SLC25A3: variants seen among roughly 807,000 people sequenced by gnomAD.
SLC25A3 encodes the protein solute carrier family 25 member 3, also known as phosphate transport protein.
In SLC25A3, 14 loss-of-function variants were observed where a neutral mutation model predicts 37.1. That is an observed-to-expected ratio of 0.38 (90% CI 0.25 to 0.59). SLC25A3 has a LOEUF of 0.59. Among genes scored for constraint, SLC25A3 ranks in the 20% least tolerant of loss-of-function variants. The pLI is 0.67. For synonymous variants in SLC25A3, 161 were observed against 168.7 expected, an observed-to-expected ratio of 0.95 and a Z score of 0.36; for missense variants, 385 against 458.1, an observed-to-expected ratio of 0.84 and a Z score of 1.46.
At chr12:98,595,594 ATGAC>A in intron 2 of SLC25A3, 129 bp from the exon 3 acceptor site, 1 of 1,613,660 alleles carries the variant, frequency 6.2e-7, no homozygotes, top group Admixed American at 1.7e-5. Flanking sequence ...ATATTGAAGC[ATGAC>A]TGACTGTTAA....
intron 2 of SLC25A3, chr12:98,594,588 C>A: frequency 1.8e-6 from 1 of 558,296 alleles, no homozygotes. Context: ...GTCATTTTTG[C>A]ACTTAATTGT....
chr12:98,599,768 G>C (rs780399112), intron 5 of SLC25A3, 187 bp from the exon 6 acceptor site: 2 of 776,252 alleles, frequency 2.6e-6, no homozygotes, highest in Non-Finnish European at 4.6e-6. Context: ...AAAGGTGCTT[G>C]AGTCATTGGC....
intron 5 of SLC25A3, 26 bp from the exon 6 acceptor site, chr12:98,599,929 G>A (rs1326064990): frequency 2.5e-6 from 4 of 1,613,200 alleles, no homozygotes; most frequent in Admixed American, 3.3e-5. Flanking sequence ...ATGCAACTGT[G>A]TAAAACAAGT....
Position 98,601,523 on chromosome 12 carries a change from C to T in SLC25A3, c.1081C>T (p.Gln361Ter). Residue 361 changes from glutamine to a stop codon, truncating the protein, a stop_gained, in exon 8 of 8, where the codon CAG becomes TAG. Coordinates refer to ENST00000552981, the MANE Select transcript of SLC25A3 (RefSeq NM_002635.4). LOFTEE classifies it high-confidence loss of function. ...TCTGAAGAAGAAGCTTGGGTTAACT[C>T]AGTAGTTAGATCAAAGCAAATGTGG... ...ESLKKKLGLTQ is the reference protein window; with the variant it reads ...ESLKKKLGLT 6.2e-7 allele frequency: 1 copy of T among 1,605,266 alleles called. No individual in the cohort carries two copies. Among genetic ancestry groups the T allele is most frequent in the South Asian group, 1.1e-5 (1 of 90,878 alleles).
Position 98,605,179 on chromosome 12 carries a change from G to A in SLC25A3, c.*3651G>A, listed in dbSNP as rs2097600540. The A allele has an allele frequency of 6.6e-6, 1 of 152,122 alleles. No homozygotes were observed. Among genetic ancestry groups the A allele is most frequent in the African/African-American group, 2.4e-5 (1 of 41,406 alleles). 9.4% of individuals were successfully genotyped at this position (152,122 alleles called of 1,614,324 possible). ...TCATGCCTGTAATTCTAACACTTTA[G>A]GAGACCAAGGCAGGAGGATGCCTTG... On this transcript the variant is annotated 3_prime_UTR_variant, in exon 8 of 8. Transcript: ENST00000552981.
intron 6 of SLC25A3, among the ~76,000 whole-genome samples, chr12:98,600,516 G>A (rs1433574488): frequency 6.6e-6 from 1 of 152,176 alleles, no homozygotes; most frequent in Non-Finnish European, 1.5e-5. Flanking sequence ...GGGTTCAAGC[G>A]ATTCTCCTGT....
intron 5 of SLC25A3, 115 bp from the exon 6 acceptor site, chr12:98,599,840 G>A: frequency 9.6e-7 from 1 of 1,039,754 alleles, no homozygotes; most frequent in Non-Finnish European, 1.5e-6. Flanking sequence ...ATGCATTTAT[G>A]CTGCCATTTG....
Position 98,602,962 on chromosome 12 carries a change from T to TTGCC in SLC25A3, c.*1437_*1440dup, listed in dbSNP as rs2097599010. On this transcript the variant is annotated 3_prime_UTR_variant, in exon 8 of 8. Coordinates refer to ENST00000552981, the MANE Select transcript of SLC25A3 (RefSeq NM_002635.4). ...GCATGTTAACTTCTTTATATCATCATTGCCTGAACTTGTTAAAGGTTCCAA... is the reference window on the plus strand; with the variant it reads ...GCATGTTAACTTCTTTATATCATCATTGCCTGCCTGAACTTGTTAAAGGTTCCAA... The TTGCC allele has an allele frequency of 6.6e-6, 1 of 152,234 alleles. No homozygotes were observed. The highest frequency in any genetic ancestry group is 1.5e-5 in the Non-Finnish European group (1 of 68,044). The allele number at this position is 152,234 out of a possible 1,614,324, so 9.4% of individuals were successfully genotyped here.
chr12:98,593,898 C>G (rs554618229), intron 1 of SLC25A3, 77 bp from the exon 2 acceptor site: 697 of 1,549,270 alleles, frequency 4.5e-4, no homozygotes, highest in Non-Finnish European at 5.9e-4. Context: ...GAAAAGGCCC[C>G]GGTTGGGGTT....
At position 98,600,139 on chromosome 12, in the gene SLC25A3, T is replaced by G. The variant is rs1310564869; in HGVS notation, c.814+12T>G. The G allele has an allele frequency of 1.3e-6, 2 of 1,489,812 alleles. No homozygotes were observed. Among genetic ancestry groups the G allele is most frequent in the Non-Finnish European group, 9.4e-7 (1 of 1,066,392 alleles). The allele number at this position is 1,489,812 out of a possible 1,614,324, so 92.3% of individuals were successfully genotyped here. A position where few individuals can be genotyped will look rare whatever the true frequency, so the allele number is the denominator to read the frequency against. On this transcript the variant is annotated intron_variant, in intron 6 of 7. Coordinates refer to ENST00000552981, the MANE Select transcript of SLC25A3 (RefSeq NM_002635.4). ...AGCAGGTTACATAGGTACGAATTAC[T>G]TAGAACACACTTGTCTGAAATTATG...
intron 6 of SLC25A3, among the ~76,000 whole-genome samples, 172 bp downstream of exon 6, chr12:98,600,299 A>G (rs2097596707): frequency 6.6e-6 from 1 of 151,868 alleles, no homozygotes; most frequent in Admixed American, 6.6e-5. Flanking sequence ...GTGCAGTGGC[A>G]TGATAATAGC....
chr12:98,600,541 TAGC>T (rs1364921514), intron 6 of SLC25A3, among the ~76,000 whole-genome samples: 2 of 152,178 alleles, frequency 1.3e-5, no homozygotes, highest in East Asian at 3.8e-4. Context: ...GCCTCCTGAG[TAGC>T]TGGGATTGCA....
At position 98,595,843 on chromosome 12, in the gene SLC25A3, A is replaced by G; in HGVS notation, c.274A>G (p.Met92Val). Reference protein sequence around the residue: ...VVPLDLVKCRMQVDPQKYKGI... With the variant: ...VVPLDLVKCRVQVDPQKYKGI... ...TCCCCTGGATTTAGTGAAATGCCGT[A>G]TGCAGGTTTGTATTGAGATGACAAC... is the stretch of plus-strand genomic sequence containing the variant. The change falls in exon 3 of 8, where the codon ATG (methionine) becomes GTG (valine). Residue 92 changes from methionine (M) to valine (V), a missense_variant. This residue lies in a region of SLC25A3 where 276 missense variants were observed against 367.6 expected (regional missense o/e 0.75). Coordinates refer to ENST00000552981, the MANE Select transcript of SLC25A3 (RefSeq NM_002635.4). 1 of 1,613,818 alleles carries G rather than the reference A, an allele frequency of 6.2e-7. No individual in the cohort carries two copies. The highest frequency in any genetic ancestry group is 1.1e-5 in the South Asian group (1 of 91,076).
chr12:98,593,890 A>G, intron 1 of SLC25A3, 85 bp from the exon 2 acceptor site: 1 of 1,512,374 alleles, frequency 6.6e-7, no homozygotes, highest in Middle Eastern at 2.0e-4. Context: ...ACGGGAAGGA[A>G]AAGGCCCCGG....
rs1369922986 is a variant in SLC25A3, at chr12:98,603,464, C to T, written c.*1936C>T. The T allele has an allele frequency of 6.6e-6, 1 of 151,976 alleles. No individual in the cohort carries two copies. The highest frequency in any genetic ancestry group is 2.4e-5 in the African/African-American group (1 of 41,374). The allele number at this position is 151,976 out of a possible 1,614,324, so 9.4% of individuals were successfully genotyped here. On this transcript the variant is annotated 3_prime_UTR_variant, in exon 8 of 8. Coordinates refer to ENST00000552981, the MANE Select transcript of SLC25A3 (RefSeq NM_002635.4). ...ACAGTGATGTCTCAGAAACCAAGTCCCAGATTGAGGAAAAAAGGAACATAG... is the reference window on the plus strand; with the variant it reads ...ACAGTGATGTCTCAGAAACCAAGTCTCAGATTGAGGAAAAAAGGAACATAG...
intron 1 of SLC25A3, 75 bp downstream of exon 1, chr12:98,593,815 G>T: frequency 1.3e-6 from 1 of 745,784 alleles, no homozygotes; most frequent in Non-Finnish European, 2.3e-6. Context: ...CCGCTGCTTT[G>T]GCGGTGGGCC....
chr12:98,594,464 C>G, intron 2 of SLC25A3: 1 of 653,484 alleles, frequency 1.5e-6, no homozygotes, highest in South Asian at 1.7e-5. Context: ...ACTCTCCTCC[C>G]GAAACTACTG....
intron 1 of SLC25A3, 101 bp downstream of exon 1, chr12:98,593,841 T>G: frequency 9.9e-7 from 1 of 1,009,426 alleles, no homozygotes; most frequent in South Asian, 1.4e-5. Context: ...GGGAGCAGCC[T>G]CTTTCGAAGG....
rs2097600818 is a variant in SLC25A3, at chr12:98,605,635, T to G, written c.*4107T>G. On this transcript the variant is annotated 3_prime_UTR_variant, in exon 8 of 8. Coordinates refer to ENST00000552981, the MANE Select transcript of SLC25A3 (RefSeq NM_002635.4). ...GAGTTCAAGAACAGCCTGGCCAACA[T>G]GATGAAACCCCAGGTCTCTACTAAA... 6.6e-6 allele frequency: 1 copy of G among 151,536 alleles called. No individual in the cohort carries two copies. Among genetic ancestry groups the G allele is most frequent in the Non-Finnish European group, 1.5e-5 (1 of 67,948 alleles). 9.4% of individuals were successfully genotyped at this position (151,536 alleles called of 1,614,324 possible).
Sources: gnomAD v4.1 joint callset for allele counts (sites outside exome capture counted in the v4.1 genomes callset) on GRCh38, gnomAD v4.1.1 for gene constraint, gnomAD v4.1.1 regional missense constraint, MANE v1.5 for transcripts, NCBI Gene and HGNC (gene_info 2026-07-23, HGNC 2026-07-21) for gene names.